PDE4D: variants seen among roughly 807,000 people sequenced by gnomAD.
PDE4D encodes the protein 3',5'-cyclic-AMP phosphodiesterase 4D.
A neutral mutation model predicts 87.4 loss-of-function variants in PDE4D; 24 were observed. The observed-to-expected ratio is 0.27, with a 90% CI of 0.20 to 0.39. The LOEUF (loss-of-function observed/expected upper bound fraction) is 0.39, where lower values mean the gene tolerates loss of function less well. Among genes scored for constraint, PDE4D ranks in the 10% least tolerant of loss-of-function variants. The probability of loss-of-function intolerance (pLI) is 1.00; values close to 1 mark genes in which losing one functional copy is unlikely to be tolerated. For missense variants in PDE4D, 714 were observed against 1,041.0 expected (o/e 0.69, Z 4.32); for synonymous variants, 384 against 383.2 (o/e 1.00, Z -0.02).
At chr5:59,768,740 T>A (rs986830524) in intron 1 of PDE4D, 1 of 1,022,316 alleles carries the variant, frequency 9.8e-7, no homozygotes, top group Non-Finnish European at 1.4e-6. Flanking sequence ...CTGCCAAAGA[T>A]CACTGACAAG....
At chr5:60,368,890 C>T (rs542434938) in intron 1 of PDE4D, among the ~76,000 whole-genome samples, 20 of 152,190 alleles carry the variant, frequency 1.3e-4, no homozygotes, top group African/African-American at 4.1e-4. Context: ...CTGGACAGCC[C>T]GCAGAACCAT....
In PDE4D at chr5:59,703,048, G is replaced by A. The variant is rs533461540; in HGVS notation, c.455+190120C>T. On this transcript the variant is annotated intron_variant, in intron 1 of 14. Coordinates refer to ENST00000340635, the MANE Select transcript of PDE4D (RefSeq NM_001104631.2). ...GTGGAACTGTCTTCAATCCTAAAGC[G>A]TCACATAGAAATGTTCCCTGAGTCT... Among the ~76,000 whole-genome samples, 31 of 152,150 alleles carry A rather than the reference G, an allele frequency of 2.0e-4. 1 individual carries two copies. Among genetic ancestry groups the A allele is most frequent in the African/African-American group, 7.2e-4 (30 of 41,522 alleles).
chr5:59,621,414 A>G (rs991920313), intron 1 of PDE4D, among the ~76,000 whole-genome samples: 1 of 152,214 alleles, frequency 6.6e-6, no homozygotes, highest in African/African-American at 2.4e-5. Flanking sequence ...TGGTGACTTT[A>G]GCATCCCTGA....
At chr5:59,877,412 C>T (rs1432589460) in intron 1 of PDE4D, among the ~76,000 whole-genome samples, 2 of 146,552 alleles carry the variant, frequency 1.4e-5, no homozygotes, top group Non-Finnish European at 3.0e-5. Flanking sequence ...ATAAGTGCAG[C>T]AATCCACCAT....
At chr5:59,008,884 G>C (rs1297848404) in intron 6 of PDE4D, among the ~76,000 whole-genome samples, 1 of 151,978 alleles carries the variant, frequency 6.6e-6, no homozygotes, top group Non-Finnish European at 1.5e-5. Context: ...CACAATAAGA[G>C]GACAATCCAG....
rs115732528 is a variant in PDE4D at position 59,477,704 on chromosome 5, T to A, written c.456-261736A>T. On this transcript the variant is annotated intron_variant, in intron 1 of 14. Coordinates refer to ENST00000340635, the MANE Select transcript of PDE4D (RefSeq NM_001104631.2). ...CCTAGCAATCCCATTACTGGGTATA[T>A]GCCCAAAGAATACAAATCATTCCAC... is the stretch of plus-strand genomic sequence containing the variant. 4.9e-3 allele frequency among the ~76,000 whole-genome samples: 744 copies of A among 152,202 alleles called. 9 individuals are homozygous for A. Among genetic ancestry groups the A allele is most frequent in the African/African-American group, 0.017 (718 of 41,558 alleles).
intron 1 of PDE4D, among the ~76,000 whole-genome samples, chr5:59,810,594 A>G (rs1768238854): frequency 6.6e-6 from 1 of 152,116 alleles, no homozygotes; most frequent in Admixed American, 6.6e-5. Context: ...AGAACCTTGG[A>G]CCATGCATTT....
At chr5:59,485,845 A>G (rs774351147) in intron 1 of PDE4D, among the ~76,000 whole-genome samples, 50 of 152,140 alleles carry the variant, frequency 3.3e-4, no homozygotes, top group Non-Finnish European at 5.9e-4. Context: ...CCTGACGTCA[A>G]TTCAGATCAA....
intron 1 of PDE4D, among the ~76,000 whole-genome samples, chr5:59,568,545 C>G (rs1821317209): frequency 6.6e-6 from 1 of 152,018 alleles, no homozygotes; most frequent in East Asian, 1.9e-4. Flanking sequence ...AAAAACCTGA[C>G]CAAATCCACC....
At chr5:59,596,358 AG>A (rs1826684315) in intron 1 of PDE4D, among the ~76,000 whole-genome samples, 1 of 151,692 alleles carries the variant, frequency 6.6e-6, no homozygotes, top group Non-Finnish European at 1.5e-5. Flanking sequence ...GAAACACACA[AG>A]GAAGACACAT....
chr5:60,243,712 C>CAA (rs1397015003), intron 1 of PDE4D, among the ~76,000 whole-genome samples: 4 of 151,754 alleles, frequency 2.6e-5, no homozygotes, highest in African/African-American at 4.8e-5. Context: ...GAACAAAAAC[C>CAA]ATTTCAATTG....
Position 60,092,320 on chromosome 5 carries a change from T to C in PDE4D, c.42+93237A>G, listed in dbSNP as rs572618181. The stretch of plus-strand genomic sequence containing the variant: ...GAAGCAGGGAGGAGATGAAGAGAAT[T>C]TGGTTAATGTGTAAAAAAATACAGT... On this transcript the variant is annotated intron_variant, in intron 2 of 16. Coordinates refer to the PDE4D transcript ENST00000502484. Among the ~76,000 whole-genome samples, 7 of 152,010 alleles carry C rather than the reference T, an allele frequency of 4.6e-5. No individual in the cohort carries two copies. In the East Asian group the frequency reaches 1.2e-3, roughly 25 times the overall value.
chr5:59,281,891 T>C (rs555855360), intron 1 of PDE4D, among the ~76,000 whole-genome samples: 1 of 152,262 alleles, frequency 6.6e-6, no homozygotes, highest in East Asian at 1.9e-4. Context: ...AAAACAATTA[T>C]GGAAGCACAA....
chr5:59,259,760 G>C (rs1233836286), intron 1 of PDE4D, among the ~76,000 whole-genome samples: 4 of 151,804 alleles, frequency 2.6e-5, no homozygotes, highest in African/African-American at 4.8e-5. Context: ...AGGGTTAAAA[G>C]CAACGGTTAC....
At chr5:60,498,166 G>A (rs1022220046) in intron 1 of PDE4D, among the ~76,000 whole-genome samples, 5 of 144,210 alleles carry the variant, frequency 3.5e-5, no homozygotes, top group African/African-American at 5.0e-5. Flanking sequence ...ACACACACAT[G>A]CACACACACA....
At chr5:59,529,972 A>C (rs576468707) in intron 1 of PDE4D, among the ~76,000 whole-genome samples, 4 of 152,342 alleles carry the variant, frequency 2.6e-5, no homozygotes, top group African/African-American at 9.6e-5. Context: ...TGCTTCTCAC[A>C]TTGAAAACAC....
intron 1 of PDE4D, among the ~76,000 whole-genome samples, chr5:60,196,206 C>A (rs1317063926): frequency 1.3e-5 from 2 of 151,704 alleles, no homozygotes; most frequent in Non-Finnish European, 2.9e-5. Context: ...TCTTTCAACG[C>A]TCACCTTGAC....
At chr5:59,070,697 T>C (rs2153417272) in intron 5 of PDE4D, among the ~76,000 whole-genome samples, 1 of 152,328 alleles carries the variant, frequency 6.6e-6, no homozygotes, top group Non-Finnish European at 1.5e-5. Flanking sequence ...TCTTGAAAAT[T>C]CTTGTCTTTT....
intron 1 of PDE4D, among the ~76,000 whole-genome samples, chr5:59,345,752 G>C (rs1779514591): frequency 6.6e-6 from 1 of 152,126 alleles, no homozygotes; most frequent in South Asian, 2.1e-4. Flanking sequence ...ATCACTTTGG[G>C]GGCGACATAA....
Sources: allele counts gnomAD v4.1 joint callset (sites outside exome capture counted in the v4.1 genomes callset), GRCh38; gene constraint gnomAD v4.1.1; transcripts MANE v1.5; gene names NCBI Gene and HGNC (gene_info 2026-07-23, HGNC 2026-07-21).